Variants in TTC13 observed in about 807,000 individuals in gnomAD.
The protein encoded by TTC13 is tetratricopeptide repeat protein 13.
Under a neutral mutation model 120.0 loss-of-function variants are expected in TTC13, and 62 were observed. The ratio of observed to expected loss-of-function variants is 0.52; its 90% CI spans 0.42 to 0.64. TTC13 has a LOEUF of 0.64. Among genes scored for constraint, TTC13 ranks in the 30% least tolerant of loss-of-function variants. TTC13 has a pLI of 0.00. For synonymous variants in TTC13, 384 were observed against 393.5 expected (o/e 0.98, Z 0.28); for missense variants, 824 against 1,050.2 (o/e 0.78, Z 2.98).
chr1:230,957,923 C>T (rs1191121090), intron 3 of TTC13, among the ~76,000 whole-genome samples: 1 of 152,212 alleles, frequency 6.6e-6, no homozygotes, highest in Non-Finnish European at 1.5e-5. Context: ...TTGCTCACAT[C>T]TGATGACAGC....
rs1363515513 is a variant in TTC13, at chr1:230,908,656, C to G, written c.2468+56G>C. ...CATAGCGCTCCAAAGTAACAGGAAA[C>G]TCCTTTTCCTCCTCCAGTTATGATA... On this transcript the variant is annotated intron_variant, in intron 22 of 22. Transcript: ENST00000366661. The G allele has an allele frequency of 4.9e-6, 7 of 1,432,716 alleles. No homozygotes were observed. The African/African-American group carries it at 1.0e-4, about 20-fold the overall frequency. The allele number at this position is 1,432,716 out of a possible 1,614,324, so 88.8% of individuals were successfully genotyped here.
At chr1:230,935,231 T>G (rs899843393) in intron 8 of TTC13, among the ~76,000 whole-genome samples, 2 of 152,198 alleles carry the variant, frequency 1.3e-5, no homozygotes, top group African/African-American at 2.4e-5. Context: ...GAGCGCCTAC[T>G]ATGTGCCAGA....
intron 1 of TTC13, among the ~76,000 whole-genome samples, chr1:230,967,816 C>G (rs569156080): frequency 6.6e-6 from 1 of 152,228 alleles, no homozygotes; most frequent in Admixed American, 6.5e-5. Flanking sequence ...AATTACAGCC[C>G]AACCAGCTGT....
chr1:230,975,461 A>C (rs1431141326), intron 1 of TTC13, among the ~76,000 whole-genome samples: 1 of 152,210 alleles, frequency 6.6e-6, no homozygotes, highest in African/African-American at 2.4e-5. Flanking sequence ...ATAACTAAAA[A>C]AGTGAGGAAA....
Position 230,931,304 on chromosome 1 carries a change from G to C in TTC13, c.1294C>G (p.Leu432Val). The change falls in exon 11 of 23, where the codon CTC (leucine) becomes GTC (valine). Residue 432 changes from leucine (L) to valine (V), a missense_variant. Leu to Val is a conservative substitution (Grantham distance 32). Transcript: ENST00000366661. ...ASPEYLKVKY[L>V]REYSRYLHAH... Reference sequence around the variant, plus strand: ...CTGTGATTTTCTGACTTACCTCGGAGATACTTTACTTTAAGATACTCAGGG... The same window carrying C: ...CTGTGATTTTCTGACTTACCTCGGACATACTTTACTTTAAGATACTCAGGG... 5.0e-6 allele frequency: 8 copies of C among 1,613,326 alleles called. No homozygotes were observed. The highest frequency in any genetic ancestry group is 6.8e-6 in the Non-Finnish European group (8 of 1,179,882).
Position 230,978,722 on chromosome 1 carries a change from C to A in TTC13, c.109G>T (p.Ala37Ser), listed in dbSNP as rs987453161. 6.7e-7 allele frequency: 1 copy of A among 1,495,100 alleles called. No homozygotes were observed. The highest frequency in any genetic ancestry group is 8.8e-7 in the Non-Finnish European group (1 of 1,130,938). The allele number at this position is 1,495,100 out of a possible 1,614,324, so 92.6% of individuals were successfully genotyped here. A position where few individuals can be genotyped will look rare whatever the true frequency, so the allele number is the denominator to read the frequency against. The part of the protein sequence containing the change: ...LLLLLLGVLS[A>S]GLRPGALATE... ...GCCAGGGCGCCTGGCCGCAGCCCGGCGGACAGGACCCCCAGCAGCAGCAGC... is the reference window on the plus strand; with the variant it reads ...GCCAGGGCGCCTGGCCGCAGCCCGGAGGACAGGACCCCCAGCAGCAGCAGC... Residue 37 changes from alanine to serine, a missense_variant, in exon 1 of 23, where the codon GCC becomes TCC. Physicochemically the swap from Ala to Ser is moderately conservative, Grantham distance 99. Around this residue, in one of 4 missense-constraint regions of TTC13, gnomAD observed 160 missense variants for 137.2 expected, o/e 1.17. Transcript: ENST00000366661. This position sits in a 1 kb window ranked among gnomAD's most constrained non-coding sequence, Gnocchi z 5.6.
intron 4 of TTC13, among the ~76,000 whole-genome samples, chr1:230,952,926 G>T (rs1010441163): frequency 4.6e-5 from 7 of 152,012 alleles, no homozygotes; most frequent in Admixed American, 3.9e-4. Flanking sequence ...AACCACAATG[G>T]TAATAACATT....
chr1:230,912,634 A>G lies in TTC13; in HGVS notation c.2218T>C (p.Ser740Pro). ...TAKGKVLILSSEFGEADAVCN... is the reference protein window; with the variant it reads ...TAKGKVLILSPEFGEADAVCN... ...AAAGAGAAACCTACCCCAAATTCTG[A>G]TGAAAGAATCAATACTTTTCCTTTT... Residue 740 changes from serine to proline, a missense_variant, in exon 19 of 23, where the codon TCA (serine) becomes CCA (proline). Physicochemically the swap from Ser to Pro is moderately conservative, Grantham distance 74. Transcript: ENST00000366661. The G allele has an allele frequency of 1.2e-6, 2 of 1,610,836 alleles. No individual in the cohort carries two copies. The highest frequency in any genetic ancestry group is 1.7e-6 in the Non-Finnish European group (2 of 1,179,402).
At position 230,925,551 on chromosome 1, in the gene TTC13, T is replaced by C; in HGVS notation, c.1554A>G (p.Thr518=). 2 of 1,614,136 alleles carry C rather than the reference T, an allele frequency of 1.2e-6. No homozygotes were observed. Among genetic ancestry groups the C allele is most frequent in the Non-Finnish European group, 1.7e-6 (2 of 1,179,996 alleles). The stretch of plus-strand genomic sequence containing the variant: ...TTCTCTTGTTTGGCAGGAAACCAGG[T>C]GTTTCATATTGCATCAGGGATCCCA... ...DRLGSLMQYE[T]PGFLPNKRIH... is the part of the protein sequence containing the mutation. Residue 518 remains threonine, a synonymous_variant, in exon 13 of 23, where the codon ACA becomes ACG. Coordinates refer to ENST00000366661, the MANE Select transcript of TTC13 (RefSeq NM_024525.5).
Position 230,931,575 on chromosome 1 carries a change from C to T in TTC13, c.1126-103G>A, listed in dbSNP as rs1000747698. On this transcript the variant is annotated intron_variant, in intron 10 of 22. Coordinates refer to ENST00000366661, the MANE Select transcript of TTC13 (RefSeq NM_024525.5). ...GTTTTCCCTCCAGGTTAAACCAGAC[C>T]TGTAAACTAGTCTACAGGACAAGAG... The T allele has an allele frequency of 3.4e-6, 5 of 1,474,458 alleles. No homozygotes were observed. The African/African-American group carries it at 5.6e-5, about 17-fold the overall frequency. 91.3% of individuals were successfully genotyped at this position (1,474,458 alleles called of 1,614,324 possible).
intron 15 of TTC13, 81 bp from the exon 16 acceptor site, chr1:230,921,585 TA>T (rs1035165455): frequency 2.7e-6 from 2 of 745,798 alleles, no homozygotes; most frequent in East Asian, 6.8e-5. Context: ...AAAGTTAATT[TA>T]AAAAAATAAG....
chr1:230,934,190 A>G (rs1481484304), intron 8 of TTC13, among the ~76,000 whole-genome samples: 1 of 152,132 alleles, frequency 6.6e-6, no homozygotes, highest in East Asian at 1.9e-4. Flanking sequence ...TTAATATCAT[A>G]TCCTTAATTA....
chr1:230,919,313 T>A (rs560586665), intron 17 of TTC13, among the ~76,000 whole-genome samples: 1 of 151,322 alleles, frequency 6.6e-6, no homozygotes, highest in South Asian at 2.1e-4. Flanking sequence ...AAGTCTGAGA[T>A]CAAGGTGCCA....
chr1:230,952,881 T>C (rs767650436), intron 4 of TTC13, among the ~76,000 whole-genome samples: 6 of 152,232 alleles, frequency 3.9e-5, no homozygotes, highest in Non-Finnish European at 8.8e-5. Context: ...TTTTATTATT[T>C]AAAATATTTT....
chr1:230,969,740 C>G (rs573070415), intron 1 of TTC13, among the ~76,000 whole-genome samples: 1 of 152,186 alleles, frequency 6.6e-6, no homozygotes, highest in Admixed American at 6.5e-5. Context: ...ACGTCTTAGC[C>G]TCAGCTCCTT....
chr1:230,931,329 G>C lies in TTC13; in HGVS notation c.1269C>G (p.Ser423Arg). The change falls in exon 11 of 23, where the codon AGC becomes AGG. Residue 423 changes from serine (S) to arginine (R), a missense_variant. This residue lies in a region of TTC13 where 430 missense variants were observed against 626.8 expected (regional missense o/e 0.69). Transcript: ENST00000366661. ...LNDPLPGQKA[S>R]PEYLKVKYLR... ...GATACTTTACTTTAAGATACTCAGG[G>C]CTAGCCTTCTGGCCTGGGAGAGGAT... 1.2e-6 allele frequency: 2 copies of C among 1,614,072 alleles called. No individual in the cohort carries two copies. The highest frequency in any genetic ancestry group is 4.5e-5 in the East Asian group (2 of 44,880).
Position 230,931,861 on chromosome 1 carries a change from C to T in TTC13, c.1000G>A (p.Glu334Lys). The change falls in exon 10 of 23, where the codon GAA (glutamate) becomes AAA (lysine). Residue 334 changes from glutamate to lysine, a missense_variant. Coordinates refer to ENST00000366661, the MANE Select transcript of TTC13 (RefSeq NM_024525.5). ...TTTTGAAAGCTCTCAGTGGCTGCTT[C>T]AAAATTGCCCAGTTCTCTAGGTATT... ...GQAYRELGNF[E>K]AATESFQKAL... 1 of 1,614,102 alleles carries T rather than the reference C, an allele frequency of 6.2e-7. No homozygotes were observed. The highest frequency in any genetic ancestry group is 8.5e-7 in the Non-Finnish European group (1 of 1,179,994).
At position 230,931,893 on chromosome 1, in the gene TTC13, T is replaced by C. The variant is rs1475975877; in HGVS notation, c.984-16A>G. ...GCCCAGTTCTCTAGGTATTTAATAA[T>C]AGTTATGAATACAGTATAGATATTA... is the stretch of plus-strand genomic sequence containing the variant. On this transcript the variant is annotated splice_polypyrimidine_tract_variant and intron_variant, in intron 9 of 22. Coordinates refer to ENST00000366661, the MANE Select transcript of TTC13 (RefSeq NM_024525.5). The C allele has an allele frequency of 2.5e-6, 4 of 1,611,966 alleles. No homozygotes were observed. The highest frequency in any genetic ancestry group is 2.2e-5 in the East Asian group (1 of 44,886).
At chr1:230,930,355 T>A (rs1167645440) in intron 11 of TTC13, among the ~76,000 whole-genome samples, 1 of 152,218 alleles carries the variant, frequency 6.6e-6, no homozygotes, top group African/African-American at 2.4e-5. Flanking sequence ...TTTTTTAATG[T>A]GGCTACCACA....
Sources: allele counts gnomAD v4.1 joint callset (sites outside exome capture counted in the v4.1 genomes callset), GRCh38; gene constraint gnomAD v4.1.1; regional missense constraint gnomAD v4.1.1; non-coding constraint Gnocchi (gnomAD v3.1); transcripts MANE v1.5; gene names NCBI Gene and HGNC (gene_info 2026-07-23, HGNC 2026-07-21).